NBEA: variants seen among roughly 807,000 people sequenced by gnomAD.
NBEA encodes neurobeachin, also known as lysosomal-trafficking regulator 2.
NBEA carries 44 observed loss-of-function variants against 343.4 expected under a neutral mutation model. The ratio of observed to expected loss-of-function variants is 0.13; its 90% CI spans 0.10 to 0.16. The LOEUF (loss-of-function observed/expected upper bound fraction) is 0.16. Ranked by LOEUF, NBEA falls within the 10% of genes least tolerant of loss-of-function variation. NBEA has a pLI of 1.00. For missense variants in NBEA, 2,555 were observed against 3,631.3 expected, an observed-to-expected ratio of 0.70 and a Z score of 7.62; for synonymous variants, 1,175 against 1,238.7, an observed-to-expected ratio of 0.95 and a Z score of 1.08.
At chr13:35,337,627 C>T (rs973715044) in intron 36 of NBEA, among the ~76,000 whole-genome samples, 2 of 151,988 alleles carry the variant, frequency 1.3e-5, no homozygotes, top group Non-Finnish European at 2.9e-5. Flanking sequence ...GTCACCTAGA[C>T]CTCCCAGCCG....
At chr13:35,252,344 C>G (rs1365683162) in intron 34 of NBEA, among the ~76,000 whole-genome samples, 1 of 152,216 alleles carries the variant, frequency 6.6e-6, no homozygotes, top group African/African-American at 2.4e-5. Context: ...TGCCAGGTCC[C>G]TCTCTTGACA....
chr13:35,153,898 AGTT>A (rs2068967144), intron 18 of NBEA, among the ~76,000 whole-genome samples: 2 of 152,280 alleles, frequency 1.3e-5, no homozygotes, highest in South Asian at 4.1e-4. Flanking sequence ...CTTCGGGGCA[AGTT>A]GTTGTGAAAA....
chr13:35,028,625 C>T (rs1275364578), intron 1 of NBEA, among the ~76,000 whole-genome samples: 1 of 151,640 alleles, frequency 6.6e-6, no homozygotes, highest in Non-Finnish European at 1.5e-5. Context: ...ATCTCTGTAT[C>T]TTTTATTTCC....
chr13:35,450,143 T>C lies in NBEA; in HGVS notation c.6305-1949T>C, dbSNP rs77600228. ...GAAAAAGGAAAAAAGCCAACTATTT[T>C]ACAATGCAAGTTGTATGACAGCCAG... On this transcript the variant is annotated intron_variant, in intron 39 of 58. Coordinates refer to ENST00000379939, the MANE Select transcript of NBEA (RefSeq NM_001385012.1). 3.9e-3 allele frequency among the ~76,000 whole-genome samples: 590 copies of C among 152,282 alleles called. 4 individuals are homozygous for C. The highest frequency in any genetic ancestry group is 0.014 in the African/African-American group (564 of 41,568).
chr13:35,013,399 G>C (rs2061549391), intron 1 of NBEA, among the ~76,000 whole-genome samples: 1 of 151,816 alleles, frequency 6.6e-6, no homozygotes, highest in Non-Finnish European at 1.5e-5. Context: ...ACAGCTCAGA[G>C]ATACACTTCG....
At chr13:35,405,192 G>T (rs1457448260) in intron 38 of NBEA, among the ~76,000 whole-genome samples, 2 of 152,146 alleles carry the variant, frequency 1.3e-5, no homozygotes, top group East Asian at 3.8e-4. Flanking sequence ...TTTAGTCTGT[G>T]TAACAGTTGA....
intron 1 of NBEA, among the ~76,000 whole-genome samples, chr13:35,020,840 T>A (rs2061813193): frequency 6.6e-6 from 1 of 152,032 alleles, no homozygotes; most frequent in South Asian, 2.1e-4. Flanking sequence ...TTCTTATTGG[T>A]GGATTTTTTT....
intron 10 of NBEA, among the ~76,000 whole-genome samples, chr13:35,079,291 A>C (rs567845459): frequency 6.6e-6 from 1 of 152,208 alleles, no homozygotes; most frequent in Non-Finnish European, 1.5e-5. Flanking sequence ...TAAAAACTGT[A>C]TATGTGCCTT....
Position 35,628,172 on chromosome 13 carries a change from C to T in NBEA, c.7541C>T (p.Ala2514Val), listed in dbSNP as rs2083305484. Residue 2514 changes from alanine (A) to valine (V), a missense_variant, in exon 49 of 59, where the codon GCT becomes GTT. Ala to Val is a moderately conservative substitution (Grantham distance 64). Around this residue, in one of 21 missense-constraint regions of NBEA, gnomAD observed 87 missense variants for 75.0 expected, o/e 1.16. Coordinates refer to ENST00000379939, the MANE Select transcript of NBEA (RefSeq NM_001385012.1). ...YKQRGPEAVR[A>V]LNVFHYLTYE... The stretch of plus-strand genomic sequence containing the variant: ...CAGCGAGGACCAGAAGCAGTTCGTG[C>T]TCTGAATGTTTTTCACTACTTGACT... 3 of 1,613,110 alleles carry T rather than the reference C, an allele frequency of 1.9e-6. No individual in the cohort carries two copies. Among genetic ancestry groups the T allele is most frequent in the Middle Eastern group, 1.6e-4 (1 of 6,082 alleles).
At chr13:34,988,687 T>C (rs1228164320) in intron 1 of NBEA, among the ~76,000 whole-genome samples, 1 of 151,120 alleles carries the variant, frequency 6.6e-6, no homozygotes, top group Non-Finnish European at 1.5e-5. Flanking sequence ...ACCTTTGTAT[T>C]GTTATGAAAT....
chr13:35,457,639 CT>C (rs1363896209), intron 40 of NBEA, among the ~76,000 whole-genome samples: 5 of 152,138 alleles, frequency 3.3e-5, no homozygotes, highest in African/African-American at 1.2e-4. Flanking sequence ...GATAGAGTCC[CT>C]TTCCATCACC....
At chr13:35,638,061 G>A (rs970228986) in intron 49 of NBEA, among the ~76,000 whole-genome samples, 9 of 152,098 alleles carry the variant, frequency 5.9e-5, no homozygotes, top group African/African-American at 2.2e-4. Flanking sequence ...GTATCTTAAC[G>A]AGTCAAAATC....
chr13:35,371,684 G>A (rs2041441885), intron 38 of NBEA, among the ~76,000 whole-genome samples: 1 of 151,802 alleles, frequency 6.6e-6, no homozygotes, highest in Non-Finnish European at 1.5e-5. Flanking sequence ...CTTTCTTCAT[G>A]GTTCCTATAT....
intron 34 of NBEA, among the ~76,000 whole-genome samples, chr13:35,253,170 A>C (rs559478981): frequency 6.6e-6 from 1 of 152,294 alleles, no homozygotes; most frequent in South Asian, 2.1e-4. Context: ...CCCTCAAAAA[A>C]ACCCGAAAAT....
rs766315741 is a variant in NBEA, at chr13:35,652,688, C to CTTTTTTTTTT, written c.8035+827_8035+836dup. On this transcript the variant is annotated intron_variant, in intron 53 of 58. Coordinates refer to ENST00000379939, the MANE Select transcript of NBEA (RefSeq NM_001385012.1). ...ATTGAAGAACATCTTTTCTGGCAGTCTTTTTTTTTTTTTTTTTTTTTTTTG... is the reference window on the plus strand; with the variant it reads ...ATTGAAGAACATCTTTTCTGGCAGTCTTTTTTTTTTTTTTTTTTTTTTTTTTTTTTTTTTG... Among the ~76,000 whole-genome samples the CTTTTTTTTTT allele has an allele frequency of 4.4e-5, 3 of 67,574 alleles. 1 individual carries two copies. The highest frequency in any genetic ancestry group is 6.5e-4 in the South Asian group (1 of 1,548). 44.3% of individuals were successfully genotyped at this position (67,574 alleles called of 152,430 possible).
intron 56 of NBEA, among the ~76,000 whole-genome samples, chr13:35,666,061 G>A (rs2085339174): frequency 6.6e-6 from 1 of 152,172 alleles, no homozygotes; most frequent in African/African-American, 2.4e-5. Flanking sequence ...GAAACTGAAA[G>A]GAGCCCTGGG....
chr13:35,081,303 T>C (rs532516027), intron 10 of NBEA, among the ~76,000 whole-genome samples: 69 of 152,298 alleles, frequency 4.5e-4, no homozygotes, highest in African/African-American at 1.7e-3. Flanking sequence ...GTATTTGTGG[T>C]GAAAATATTG....
At chr13:35,450,349 T>G (rs1464120321) in intron 39 of NBEA, among the ~76,000 whole-genome samples, 2 of 151,492 alleles carry the variant, frequency 1.3e-5, no homozygotes, top group Non-Finnish European at 2.9e-5. Flanking sequence ...TAGCCAGGCA[T>G]TGTGGTATAC....
At chr13:35,496,262 T>TAG (rs997875263) in intron 41 of NBEA, among the ~76,000 whole-genome samples, 2 of 151,930 alleles carry the variant, frequency 1.3e-5, no homozygotes, top group African/African-American at 4.8e-5. Context: ...TGAGAGTGAC[T>TAG]AGAGTCACAT....
Sources: allele counts gnomAD v4.1 joint callset (sites outside exome capture counted in the v4.1 genomes callset), GRCh38; gene constraint gnomAD v4.1.1; regional missense constraint gnomAD v4.1.1; transcripts MANE v1.5; gene names NCBI Gene and HGNC (gene_info 2026-07-23, HGNC 2026-07-21).